DNAJB13: variants seen among roughly 807,000 people sequenced by gnomAD.
DNAJB13 encodes dnaJ homolog subfamily B member 13.
Under a neutral mutation model 35.6 loss-of-function variants are expected in DNAJB13, and 22 were observed. That is an observed-to-expected ratio of 0.62 (90% confidence interval 0.44 to 0.88). The LOEUF is 0.88. DNAJB13 is among the 40% of genes least tolerant of loss of function. The probability of loss-of-function intolerance (pLI) is 0.00; values close to 1 mark genes in which losing one functional copy is unlikely to be tolerated. For missense variants in DNAJB13, 370 were observed against 384.3 expected (o/e 0.96, Z 0.31); for synonymous variants, 136 against 144.2 (o/e 0.94, Z 0.41).
rs1565180261 is a variant in DNAJB13 at position 73,969,973 on chromosome 11, CAAG to C, written c.814_816del (p.Lys272del). The C allele has an allele frequency of 6.2e-7, 1 of 1,609,832 alleles. No homozygotes were observed. Among genetic ancestry groups the C allele is most frequent in the South Asian group, 1.1e-5 (1 of 89,964 alleles). ...CATCCTATTTCAGCCCCAAATACTT[CAAG>C]AAGGTGCCAGGGGAGGGGATGCCAT... On this transcript the variant is annotated inframe_deletion, in exon 8 of 8. Transcript: ENST00000339764.
At chr11:73,966,888 T>A (rs1440155847) in intron 5 of DNAJB13, among the ~76,000 whole-genome samples, 3 of 145,954 alleles carry the variant, frequency 2.1e-5, no homozygotes, top group African/African-American at 7.8e-5. Flanking sequence ...AGTCTCGCTC[T>A]GTTACCCAGG....
intron 3 of DNAJB13, 72 bp from the exon 4 acceptor site, chr11:73,964,806 T>TGTGTGCGC: frequency 2.7e-6 from 2 of 729,728 alleles, no homozygotes; most frequent in South Asian, 3.3e-5. Flanking sequence ...TGTGTGTGTG[T>TGTGTGCGC]GTGTGTGCGC....
chr11:73,956,382 G>A (rs1950741778), intron 1 of DNAJB13, among the ~76,000 whole-genome samples: 1 of 152,178 alleles, frequency 6.6e-6, no homozygotes, highest in Non-Finnish European at 1.5e-5. Flanking sequence ...AGCAGCAAGA[G>A]AGAACAGTGA....
Position 73,964,895 on chromosome 11 carries a change from G to A in DNAJB13, c.352G>A (p.Gly118Arg), listed in dbSNP as rs750628251. Residue 118 changes from glycine (G) to arginine (R), a missense_variant, in exon 4 of 8, where the codon GGA becomes AGA. Physicochemically the swap from Gly to Arg is moderately radical, Grantham distance 125. Transcript: ENST00000339764. ...TCCTGCAGAGTTTTTTGATGCAGAA[G>A]GAAGTGAGGTAGATTTGAACTTTGG... is the stretch of plus-strand genomic sequence containing the variant. ...NPFSEFFDAEGSEVDLNFGGL... is the reference protein window; with the variant it reads ...NPFSEFFDAERSEVDLNFGGL... 6.2e-7 allele frequency: 1 copy of A among 1,612,776 alleles called. No individual in the cohort carries two copies. The highest frequency in any genetic ancestry group is 1.1e-5 in the South Asian group (1 of 91,022).
chr11:73,963,116 G>A (rs965039233), intron 3 of DNAJB13, among the ~76,000 whole-genome samples: 1 of 151,996 alleles, frequency 6.6e-6, no homozygotes, highest in Admixed American at 6.6e-5. Flanking sequence ...ACTTGAGGTC[G>A]GCAGTTCAAG....
At chr11:73,966,376 C>G (rs1433075624) in intron 5 of DNAJB13, 125 bp downstream of exon 5, 3 of 852,504 alleles carry the variant, frequency 3.5e-6, no homozygotes, top group Admixed American at 2.1e-5. Context: ...CTGTAGAGAG[C>G]CCAGTCTGCA....
Position 73,964,964 on chromosome 11 carries a change from G to A in DNAJB13, c.421G>A (p.Glu141Lys), listed in dbSNP as rs201648384. Residue 141 changes from glutamate (E) to lysine (K), a missense_variant, in exon 4 of 8, where the codon GAA becomes AAA. Physicochemically the swap from Glu to Lys is moderately conservative, Grantham distance 56 (BLOSUM62 1). Transcript: ENST00000339764. ...RGVKKQDPQVERDLYLSLEDL... is the reference protein window; with the variant it reads ...RGVKKQDPQVKRDLYLSLEDL... ...GGTCAAGAAGCAGGACCCCCAAGTC[G>A]AACGGGATCTCTACCTGTCCCTGGA... 29 of 1,612,984 alleles carry A rather than the reference G, an allele frequency of 1.8e-5. No individual in the cohort carries two copies. The highest frequency in any genetic ancestry group is 6.7e-5 in the Admixed American group (4 of 59,704).
chr11:73,965,030 A>G lies in DNAJB13; in HGVS notation c.487A>G (p.Arg163Gly). 6.3e-7 allele frequency: 1 copy of G among 1,584,340 alleles called. No individual in the cohort carries two copies. ...FGCTKKIKIS[R>G]RVLNEDGYSS... Reference sequence around the variant, plus strand: ...CTGCACCAAAAAAATTAAGATCTCCAGAAGGGTGAGTACTCAGCTTGCTCC... The same window carrying G: ...CTGCACCAAAAAAATTAAGATCTCCGGAAGGGTGAGTACTCAGCTTGCTCC... The change falls in exon 4 of 8, where the codon AGA (arginine) becomes GGA (glycine). Residue 163 changes from arginine to glycine, a missense_variant. Coordinates refer to ENST00000339764, the MANE Select transcript of DNAJB13 (RefSeq NM_153614.4).
chr11:73,951,054 T>G lies in DNAJB13; in HGVS notation c.-16T>G, dbSNP rs9666551. The G allele has an allele frequency of 7.0e-4, 1,128 of 1,613,810 alleles. 4 individuals are homozygous for G. In the African/African-American group the frequency reaches 0.013, roughly 19 times the overall value. ...GTCTGAGGACTATCCAGGGCCTGAC[T>G]GCCAGCTAGCCAGCCATGGGCCAGG... On this transcript the variant is annotated 5_prime_UTR_variant, in exon 1 of 8. Coordinates refer to ENST00000339764, the MANE Select transcript of DNAJB13 (RefSeq NM_153614.4).
At chr11:73,966,565 C>T (rs192501019) in intron 5 of DNAJB13, among the ~76,000 whole-genome samples, 1 of 152,302 alleles carries the variant, frequency 6.6e-6, no homozygotes, top group East Asian at 1.9e-4. Context: ...AGATCCCAGT[C>T]TGAACTCCAG....
chr11:73,957,225 G>A (rs1165485953), intron 1 of DNAJB13, among the ~76,000 whole-genome samples: 2 of 152,226 alleles, frequency 1.3e-5, no homozygotes, highest in African/African-American at 4.8e-5. Flanking sequence ...GAAGGGCAGG[G>A]CTGCGGCTTT....
At chr11:73,969,368 C>T (rs1292525524) in intron 7 of DNAJB13, 46 bp downstream of exon 7, 1 of 862,932 alleles carries the variant, frequency 1.2e-6, no homozygotes, top group Middle Eastern at 2.2e-4. Context: ...GAAGGGCTAG[C>T]CTGGGATTTA....
chr11:73,965,598 A>T (rs1951090359), intron 4 of DNAJB13: 1 of 160,648 alleles, frequency 6.2e-6, no homozygotes, highest in East Asian at 1.8e-4. Context: ...GGAGATGCCG[A>T]TGCGGCCATG....
At chr11:73,953,343 G>T (rs966622574) in intron 1 of DNAJB13, among the ~76,000 whole-genome samples, 8 of 152,134 alleles carry the variant, frequency 5.3e-5, no homozygotes, top group African/African-American at 1.9e-4. Context: ...AGGACGAGCC[G>T]CAGAAAAAAC....
At chr11:73,968,546 C>T (rs186126832) in intron 6 of DNAJB13, 88 bp downstream of exon 6, 329 of 1,060,508 alleles carry the variant, frequency 3.1e-4, no homozygotes, top group Admixed American at 2.4e-3. Context: ...CCTCCCACAA[C>T]CACCTGCCAT....
At chr11:73,969,153 A>C in intron 6 of DNAJB13, 93 bp from the exon 7 acceptor site, 3 of 633,692 alleles carry the variant, frequency 4.7e-6, no homozygotes, top group Non-Finnish European at 8.2e-6. Flanking sequence ...CCCAACTCAC[A>C]GTCTGGCACT....
At chr11:73,966,845 AT>A (rs770257573) in intron 5 of DNAJB13, among the ~76,000 whole-genome samples, 1,014 of 98,242 alleles carry the variant, frequency 0.01, 2 homozygotes, top group South Asian at 0.016. Flanking sequence ...CGCCCAGCTA[AT>A]TTTTTTTTTT....
chr11:73,964,586 G>GTA, intron 3 of DNAJB13: 28 of 351,240 alleles, frequency 8.0e-5, no homozygotes, highest in South Asian at 1.5e-4. Context: ...AGCGTTGGGC[G>GTA]GGGTGGGGGG....
intron 1 of DNAJB13, among the ~76,000 whole-genome samples, chr11:73,956,718 G>A (rs1416535663): frequency 6.7e-6 from 1 of 150,056 alleles, no homozygotes; most frequent in Admixed American, 6.7e-5. Context: ...CAGGAGAATC[G>A]CTTGAACCCA....
Sources: allele counts gnomAD v4.1 joint callset (sites outside exome capture counted in the v4.1 genomes callset), GRCh38; gene constraint gnomAD v4.1.1; transcripts MANE v1.5; gene names NCBI Gene and HGNC (gene_info 2026-07-23, HGNC 2026-07-21).